ZNF221: variants seen among roughly 807,000 people sequenced by gnomAD.
The protein encoded by ZNF221 is zinc finger protein 221.
Under a neutral mutation model 12.6 loss-of-function variants are expected in ZNF221, and 10 were observed. That is an observed-to-expected ratio of 0.79 (90% CI 0.49 to 1.34). The LOEUF (loss-of-function observed/expected upper bound fraction) is 1.34, where lower values mean the gene tolerates loss of function less well. ZNF221 is among the 40% of genes most tolerant of loss of function. ZNF221 has a pLI of 0.00. For missense variants in ZNF221, 661 were observed against 721.4 expected, an observed-to-expected ratio of 0.92 and a Z score of 0.96; for synonymous variants, 232 against 244.0, an observed-to-expected ratio of 0.95 and a Z score of 0.46.
intron 1 of ZNF221, among the ~76,000 whole-genome samples, chr19:43,958,045 G>A (rs550275054): frequency 1.3e-5 from 2 of 152,336 alleles, no homozygotes; most frequent in South Asian, 4.1e-4. Flanking sequence ...GGATGTCTTT[G>A]GTTGATGATC....
At position 43,966,291 on chromosome 19, in the gene ZNF221, C is replaced by T. The variant is rs1229380980; in HGVS notation, c.789C>T (p.Phe263=). The part of the protein sequence containing the change: ...PFKCGQCGKG[F]HSRSALNVHC... ...AATGTGGGCAATGTGGGAAAGGCTTCCATAGTAGATCAGCACTTAATGTTC... is the reference window on the plus strand; with the variant it reads ...AATGTGGGCAATGTGGGAAAGGCTTTCATAGTAGATCAGCACTTAATGTTC... The change falls in exon 5 of 5, where the codon TTC becomes TTT. Residue 263 remains phenylalanine, a synonymous_variant. Transcript: ENST00000587682. The T allele has an allele frequency of 6.2e-7, 1 of 1,613,186 alleles. No homozygotes were observed. Among genetic ancestry groups the T allele is most frequent in the African/African-American group, 1.3e-5 (1 of 74,918 alleles).
downstream of ZNF221, among the ~76,000 whole-genome samples, chr19:43,969,333 GCTT>G (rs1975046714): frequency 3.4e-5 from 4 of 117,776 alleles, no homozygotes; most frequent in African/African-American, 1.3e-4. Context: ...CCAGACTGCT[GCTT>G]TTTTTTTTTT....
chr19:43,968,690 C>G (rs1046512897), downstream of ZNF221, among the ~76,000 whole-genome samples: 3 of 152,184 alleles, frequency 2.0e-5, no homozygotes, highest in African/African-American at 4.8e-5. Context: ...TCTAGGTTCT[C>G]TCATTGGGAC....
chr19:43,956,214 A>AC (rs1974751341), intron 1 of ZNF221, among the ~76,000 whole-genome samples: 1 of 152,138 alleles, frequency 6.6e-6, no homozygotes, highest in Admixed American at 6.5e-5. Context: ...TCTATTCTAC[A>AC]CTGTGCGGAC....
downstream of ZNF221, among the ~76,000 whole-genome samples, chr19:43,968,767 T>C (rs941396807): frequency 6.6e-6 from 1 of 152,194 alleles, no homozygotes; most frequent in African/African-American, 2.4e-5. Context: ...GCCCACTTGG[T>C]GTGGCATGGA....
chr19:43,962,723 AG>A lies in ZNF221; in HGVS notation c.-2del. The A allele has an allele frequency of 1.9e-6, 3 of 1,613,866 alleles. No individual in the cohort carries two copies. The highest frequency in any genetic ancestry group is 2.5e-6 in the Non-Finnish European group (3 of 1,179,856). ...TTTTCTGCCTTTCCTGGCACTTTCC[AG>A]GCATGATTTCACCTTCACTTGAACT... On this transcript the variant is annotated splice_acceptor_variant, in intron 1 of 4. Transcript: ENST00000587682. LOFTEE classifies it low-confidence loss of function (5UTR_SPLICE).
downstream of ZNF221, among the ~76,000 whole-genome samples, chr19:43,970,317 C>A (rs973461695): frequency 1.3e-5 from 2 of 152,128 alleles, no homozygotes; most frequent in Non-Finnish European, 2.9e-5. Context: ...GATAAAAAGT[C>A]AACACAAAAA....
Position 43,967,509 on chromosome 19 carries a change from C to T in ZNF221, c.*153C>T. On this transcript the variant is annotated 3_prime_UTR_variant, in exon 5 of 5. Coordinates refer to ENST00000587682, the MANE Select transcript of ZNF221 (RefSeq NM_001297588.2). ...TTTTTTTTTTTTTGAGACAGAGTCT[C>T]ACTCTTTCACCCAGGCCTGACTGCA... 1 of 636,914 alleles carries T rather than the reference C, an allele frequency of 1.6e-6. No individual in the cohort carries two copies. Among genetic ancestry groups the T allele is most frequent in the Non-Finnish European group, 2.6e-6 (1 of 377,642 alleles). The allele number at this position is 636,914 out of a possible 1,614,324, so 39.5% of individuals were successfully genotyped here. A position where few individuals can be genotyped will look rare whatever the true frequency, so the allele number is the denominator to read the frequency against.
chr19:43,975,410 C>A, the ZNF221 span, among the ~76,000 whole-genome samples: 1 of 152,128 alleles, frequency 6.6e-6, no homozygotes, highest in African/African-American at 2.4e-5. Context: ...GAGCTAGAAG[C>A]CGTTATCCTC....
At chr19:43,953,165 A>T (rs894462785) in intron 1 of ZNF221, among the ~76,000 whole-genome samples, 2 of 151,778 alleles carry the variant, frequency 1.3e-5, no homozygotes, top group African/African-American at 4.8e-5. Flanking sequence ...TGGCCAGGCT[A>T]GTCTCGAACT....
In ZNF221 at chr19:43,967,437, C is replaced by A; in HGVS notation, c.*81C>A. On this transcript the variant is annotated 3_prime_UTR_variant, in exon 5 of 5. Transcript: ENST00000587682. ...TTCTCCACAGCAGAGAAAAACCATT[C>A]AAATATGAGAACTGTGGGAAGAGCT... is the stretch of plus-strand genomic sequence containing the variant. 1.3e-5 allele frequency: 13 copies of A among 1,031,334 alleles called. No homozygotes were observed. The highest frequency in any genetic ancestry group is 1.6e-5 in the Non-Finnish European group (11 of 694,250). 63.9% of individuals were successfully genotyped at this position (1,031,334 alleles called of 1,614,324 possible).
intron 1 of ZNF221, 56 bp from the exon 2 acceptor site, chr19:43,962,669 G>A (rs150413608): frequency 2.3e-5 from 34 of 1,504,582 alleles, no homozygotes; most frequent in South Asian, 9.0e-5. Context: ...GTTGGTGGTC[G>A]GCATTCCTAG....
chr19:43,951,847 C>T (rs1020930228), intron 1 of ZNF221, among the ~76,000 whole-genome samples: 4 of 116,276 alleles, frequency 3.4e-5, no homozygotes, highest in Admixed American at 1.9e-4. Context: ...AGTCTTTGAC[C>T]TCTTTTTTTT....
In ZNF221 at chr19:43,966,890, T is replaced by C; in HGVS notation, c.1388T>C (p.Leu463Ser). Residue 463 changes from leucine (L) to serine (S), a missense_variant, in exon 5 of 5, where the codon TTG becomes TCG. Physicochemically the swap from Leu to Ser is moderately radical, Grantham distance 145. Transcript: ENST00000587682. Reference sequence around the variant, plus strand: ...TGTGGTAAGGACTATAAAAGGAGGTTGGATCTTGAGTTTCACCAGAGGGTC... The same window carrying C: ...TGTGGTAAGGACTATAAAAGGAGGTCGGATCTTGAGTTTCACCAGAGGGTC... ...EECGKDYKRR[L>S]DLEFHQRVHT... 1.2e-6 allele frequency: 2 copies of C among 1,614,156 alleles called. No homozygotes were observed.
chr19:43,955,497 A>G (rs1974741319), intron 1 of ZNF221, among the ~76,000 whole-genome samples: 1 of 152,126 alleles, frequency 6.6e-6, no homozygotes, highest in African/African-American at 2.4e-5. Flanking sequence ...TCTGCCAATG[A>G]GCATCAACAG....
At position 43,963,544 on chromosome 19, in the gene ZNF221, C is replaced by T. The variant is rs542869667; in HGVS notation, c.81+737C>T. On this transcript the variant is annotated intron_variant, in intron 2 of 4. Coordinates refer to ENST00000587682, the MANE Select transcript of ZNF221 (RefSeq NM_001297588.2). ...TATGCATGTTATTTATTGGTCTCTT[C>T]TTATTCCTTTATGGAGTAAGCAGTT... Among the ~76,000 whole-genome samples the T allele has an allele frequency of 2.0e-5, 3 of 151,938 alleles. 1 individual carries two copies. The highest frequency in any genetic ancestry group is 2.0e-4 in the Admixed American group (3 of 15,250).
intron 1 of ZNF221, among the ~76,000 whole-genome samples, chr19:43,959,681 T>G (rs1257773833): frequency 2.0e-5 from 3 of 152,194 alleles, no homozygotes; most frequent in African/African-American, 7.2e-5. Context: ...CTCCCATGAG[T>G]GAAAGCTCCC....
At chr19:43,963,065 A>G (rs1409731887) in intron 2 of ZNF221, among the ~76,000 whole-genome samples, 1 of 152,208 alleles carries the variant, frequency 6.6e-6, no homozygotes, top group Non-Finnish European at 1.5e-5. Context: ...CTGCTCACAA[A>G]TTAGCTGTTT....
the ZNF221 span, among the ~76,000 whole-genome samples, chr19:43,979,170 A>G: frequency 6.6e-6 from 1 of 152,036 alleles, no homozygotes; most frequent in Admixed American, 6.6e-5. Context: ...TAACAATTGT[A>G]TAGAATTTTA....
Sources: gnomAD v4.1 joint callset for allele counts (sites outside exome capture counted in the v4.1 genomes callset) on GRCh38, gnomAD v4.1.1 for gene constraint, MANE v1.5 for transcripts, NCBI Gene and HGNC (gene_info 2026-07-23, HGNC 2026-07-21) for gene names.